VAV1: variants seen among roughly 807,000 people sequenced by gnomAD.
The protein encoded by VAV1 is vav guanine nucleotide exchange factor 1.
Under a neutral mutation model 128.1 loss-of-function variants are expected in VAV1, and 33 were observed. That is an observed-to-expected ratio of 0.26 (90% CI 0.20 to 0.34). VAV1 has a LOEUF of 0.34. Ranked by LOEUF, VAV1 falls within the 10% of genes least tolerant of loss-of-function variation. The pLI is 1.00. For synonymous variants in VAV1, 394 were observed against 409.8 expected, an observed-to-expected ratio of 0.96 and a Z score of 0.47; for missense variants, 715 against 1,093.7, an observed-to-expected ratio of 0.65 and a Z score of 4.88.
rs1258698651 is a variant in VAV1, at chr19:6,853,956, C to G, written c.2342C>G (p.Thr781Arg). ...TGTTCTCTCTCCACAGTGGGAAGCA[C>G]AAAGTATTTTGGCACAGCCAAAGCC... ...RTISRPAVGS[T>R]KYFGTAKARY... is the part of the protein sequence containing the mutation. The change falls in exon 26 of 27, where the codon ACA becomes AGA. Residue 781 changes from threonine to arginine, a missense_variant. By Grantham distance (71) the Thr-to-Arg change is moderately conservative. Coordinates refer to ENST00000602142, the MANE Select transcript of VAV1 (RefSeq NM_005428.4). 1 of 1,611,308 alleles carries G rather than the reference C, an allele frequency of 6.2e-7. No homozygotes were observed. Among genetic ancestry groups the G allele is most frequent in the Non-Finnish European group, 8.5e-7 (1 of 1,179,986 alleles).
chr19:6,796,168 G>T (rs76648517), intron 1 of VAV1, among the ~76,000 whole-genome samples: 4,243 of 152,284 alleles, frequency 0.028, 89 homozygotes, highest in Non-Finnish European at 0.041. Flanking sequence ...CCCAACATGT[G>T]CACATTCAAA....
At chr19:6,846,518 G>A (rs1476167414) in intron 22 of VAV1, among the ~76,000 whole-genome samples, 1 of 150,876 alleles carries the variant, frequency 6.6e-6, no homozygotes, top group Non-Finnish European at 1.5e-5. Context: ...AACCCAGGAG[G>A]CAGAGGTTGC....
At chr19:6,796,994 T>C (rs1971149907) in intron 1 of VAV1, among the ~76,000 whole-genome samples, 1 of 152,092 alleles carries the variant, frequency 6.6e-6, no homozygotes, top group African/African-American at 2.4e-5. Context: ...TTCCAGCACT[T>C]TGGGAGGCCG....
chr19:6,807,673 C>G (rs908684336), intron 1 of VAV1, among the ~76,000 whole-genome samples: 4 of 152,066 alleles, frequency 2.6e-5, no homozygotes, highest in African/African-American at 9.6e-5. Context: ...AATCATGCCA[C>G]TGCACTCAAC....
intron 1 of VAV1, chr19:6,816,320 AC>A (rs1971648913): frequency 6.6e-6 from 1 of 152,074 alleles, no homozygotes; most frequent in Non-Finnish European, 1.5e-5. Context: ...ATGCCCGGCT[AC>A]AAAAACATTT....
At chr19:6,825,250 G>C (rs1971889539) in intron 7 of VAV1, 53 bp from the exon 8 acceptor site, 2 of 1,586,006 alleles carry the variant, frequency 1.3e-6, no homozygotes. Flanking sequence ...TTTCCTTCCT[G>C]GCCCCCTGAG....
chr19:6,812,937 C>T (rs691469), intron 1 of VAV1, among the ~76,000 whole-genome samples: 11,124 of 152,142 alleles, frequency 0.073, 517 homozygotes, highest in African/African-American at 0.12. Context: ...GAACTTGAAA[C>T]GTCCAGCCCT....
chr19:6,828,218 G>A lies in VAV1; in HGVS notation c.1023+47G>A, dbSNP rs1407346837. 1.2e-6 allele frequency: 2 copies of A among 1,607,138 alleles called. No homozygotes were observed. Among genetic ancestry groups the A allele is most frequent in the Middle Eastern group, 1.7e-4 (1 of 5,722 alleles). The stretch of plus-strand genomic sequence containing the variant: ...GTGGGCTCCACGTACCTACTCTCCT[G>A]TGTCTATAAAAGTGGGGACGGGGCT... On this transcript the variant is annotated intron_variant, in intron 10 of 26. Coordinates refer to ENST00000602142, the MANE Select transcript of VAV1 (RefSeq NM_005428.4). The surrounding 1 kb of genome is among the most constrained non-coding windows in gnomAD (Gnocchi z 4.5).
chr19:6,818,427 C>T (rs763607705), intron 1 of VAV1, among the ~76,000 whole-genome samples: 5 of 152,214 alleles, frequency 3.3e-5, no homozygotes, highest in African/African-American at 4.8e-5. Flanking sequence ...TTCCTCCTCG[C>T]CCACTCTAAC....
At chr19:6,794,035 C>A (rs184754719) in intron 1 of VAV1, among the ~76,000 whole-genome samples, 9 of 143,384 alleles carry the variant, frequency 6.3e-5, no homozygotes, top group Non-Finnish European at 7.7e-5. Context: ...AATAAACCAA[C>A]GGTAAATGAT....
chr19:6,780,109 TTAAAA>T (rs1970736347), intron 1 of VAV1, among the ~76,000 whole-genome samples: 1 of 100,038 alleles, frequency 1.0e-5, no homozygotes, highest in Non-Finnish European at 2.1e-5. Flanking sequence ...AGACTCTGTC[TTAAAA>T]TAATAATAAT....
chr19:6,831,876 G>T (rs1972064434), intron 14 of VAV1, among the ~76,000 whole-genome samples: 1 of 152,168 alleles, frequency 6.6e-6, no homozygotes, highest in Non-Finnish European at 1.5e-5. Flanking sequence ...GTGTGTGTGT[G>T]TGTGCATGTG....
chr19:6,820,774 C>G lies in VAV1; in HGVS notation c.277C>G (p.Leu93Val). 6.2e-7 allele frequency: 1 copy of G among 1,614,216 alleles called. No individual in the cohort carries two copies. Among genetic ancestry groups the G allele is most frequent in the Non-Finnish European group, 8.5e-7 (1 of 1,180,036 alleles). The change falls in exon 2 of 27, where the codon CTC (leucine) becomes GTC (valine). Residue 93 changes from leucine (L) to valine (V), a missense_variant. Around this residue, in one of 3 missense-constraint regions of VAV1, gnomAD observed 302 missense variants for 477.8 expected, o/e 0.63. Coordinates refer to ENST00000602142, the MANE Select transcript of VAV1 (RefSeq NM_005428.4). The surrounding 1 kb of genome is among the most constrained non-coding windows in gnomAD (Gnocchi z 4.4). ...CEKFGLKRSE[L>V]FEAFDLFDVQ... ...GAAGTTCGGCCTCAAGCGGAGCGAG[C>G]TCTTCGAAGCCTTTGACCTCTTCGA... is the stretch of plus-strand genomic sequence containing the variant.
intron 21 of VAV1, among the ~76,000 whole-genome samples, chr19:6,837,737 C>T (rs963767628): frequency 6.6e-6 from 1 of 152,182 alleles, no homozygotes; most frequent in African/African-American, 2.4e-5. Flanking sequence ...GTCATTTCCT[C>T]TCTCTACCCA....
intron 1 of VAV1, among the ~76,000 whole-genome samples, chr19:6,812,009 C>T (rs1380837519): frequency 6.6e-6 from 1 of 152,164 alleles, no homozygotes; most frequent in African/African-American, 2.4e-5. Context: ...AGTAATTTCT[C>T]CTTAAATACA....
chr19:6,785,032 T>A (rs1391706928), intron 1 of VAV1, among the ~76,000 whole-genome samples: 1 of 152,220 alleles, frequency 6.6e-6, no homozygotes, highest in African/African-American at 2.4e-5. Context: ...CATTGCTCTC[T>A]GCACCGCAGC....
intron 1 of VAV1, among the ~76,000 whole-genome samples, chr19:6,807,152 G>A (rs1971413694): frequency 6.6e-6 from 1 of 152,142 alleles, no homozygotes; most frequent in South Asian, 2.1e-4. Context: ...AGTTAGGGGG[G>A]ATGGTTTCAG....
rs935577445 is a variant in VAV1 at position 6,774,651 on chromosome 19, T to C, written c.204+1640T>C. Among the ~76,000 whole-genome samples the C allele has an allele frequency of 2.0e-5, 3 of 150,254 alleles. No individual in the cohort carries two copies. The South Asian group carries it at 6.3e-4, about 32-fold the overall frequency. ...GGTTTCACTATGTTGGCCAGGCTAG[T>C]CTTGAACTCCTGACCTCAAATGATC... On this transcript the variant is annotated intron_variant, in intron 1 of 26. Coordinates refer to ENST00000602142, the MANE Select transcript of VAV1 (RefSeq NM_005428.4).
intron 23 of VAV1, among the ~76,000 whole-genome samples, chr19:6,848,582 T>C (rs1466063571): frequency 1.3e-5 from 2 of 151,888 alleles, no homozygotes; most frequent in Non-Finnish European, 2.9e-5. Context: ...TTTGTATTTT[T>C]AGTAGATACG....
Sources: gnomAD v4.1 joint callset for allele counts (sites outside exome capture counted in the v4.1 genomes callset) on GRCh38, gnomAD v4.1.1 for gene constraint, gnomAD v4.1.1 regional missense constraint, Gnocchi (gnomAD v3.1) non-coding constraint, MANE v1.5 for transcripts, NCBI Gene and HGNC (gene_info 2026-07-23, HGNC 2026-07-21) for gene names.